MATN2: variants seen among roughly 807,000 people sequenced by gnomAD.
MATN2 encodes matrilin 2.
In MATN2, 69 loss-of-function variants were observed where a neutral mutation model predicts 103.2. The ratio of observed to expected loss-of-function variants is 0.67; its 90% CI spans 0.55 to 0.82. MATN2 has a LOEUF of 0.82. Among genes scored for constraint, MATN2 ranks in the 40% least tolerant of loss-of-function variants. The pLI, the probability that MATN2 is intolerant of heterozygous loss-of-function variation, is 0.00. For synonymous variants in MATN2, 429 were observed against 450.2 expected, an observed-to-expected ratio of 0.95 and a Z score of 0.60; for missense variants, 1,023 against 1,211.5, an observed-to-expected ratio of 0.84 and a Z score of 2.31.
chr8:97,869,663 A>G (rs545980051), intron 1 of MATN2, among the ~76,000 whole-genome samples: 1 of 152,272 alleles, frequency 6.6e-6, no homozygotes, highest in African/African-American at 2.4e-5. Context: ...GGTGATTCCT[A>G]TTCCACGGAC....
chr8:97,941,223 A>T (rs1810554787), intron 3 of MATN2, among the ~76,000 whole-genome samples: 1 of 151,688 alleles, frequency 6.6e-6, no homozygotes, highest in Non-Finnish European at 1.5e-5. Flanking sequence ...AGGTATCTTA[A>T]ATTGAGACAT....
intron 8 of MATN2, 140 bp downstream of exon 8, chr8:98,003,923 G>A (rs933218106): frequency 1.1e-6 from 1 of 905,032 alleles, no homozygotes; most frequent in African/African-American, 1.6e-5. Context: ...CTTATCCTCA[G>A]TTTCATCACC....
At chr8:97,965,138 G>T (rs568765207) in intron 5 of MATN2, among the ~76,000 whole-genome samples, 1 of 152,118 alleles carries the variant, frequency 6.6e-6, no homozygotes. Context: ...CCTAGTTAAG[G>T]CTGTCCAATT....
intron 1 of MATN2, among the ~76,000 whole-genome samples, chr8:97,870,748 C>T (rs1817866464): frequency 2.0e-5 from 3 of 152,234 alleles, no homozygotes; most frequent in East Asian, 1.9e-4. Context: ...TCCACACGGG[C>T]GCAGTTCTCC....
Position 98,007,627 on chromosome 8 carries a change from C to A in MATN2, c.1573+26C>A, listed in dbSNP as rs1395690919. 1.9e-6 allele frequency: 3 copies of A among 1,594,162 alleles called. No individual in the cohort carries two copies. In the East Asian group the frequency reaches 6.8e-5, roughly 36 times the overall value. On this transcript the variant is annotated intron_variant, in intron 10 of 18. Coordinates refer to ENST00000254898, the MANE Select transcript of MATN2 (RefSeq NM_002380.5). This position sits in a 1 kb window ranked among gnomAD's most constrained non-coding sequence, Gnocchi z 4.2. ...GTAAGTGTCTGAAGGACAAGCAGGA[C>A]CTGCACAGGTGTTCCGTGGGTGCCG...
intron 4 of MATN2, among the ~76,000 whole-genome samples, chr8:97,943,542 T>A (rs1391079113): frequency 6.6e-6 from 1 of 152,072 alleles, no homozygotes; most frequent in East Asian, 1.9e-4. Context: ...GGCACAATTA[T>A]GGCTCACTGT....
chr8:97,966,629 G>C (rs1811490328), intron 5 of MATN2, among the ~76,000 whole-genome samples: 1 of 152,122 alleles, frequency 6.6e-6, no homozygotes, highest in Admixed American at 6.5e-5. Flanking sequence ...TTTGAATTCA[G>C]GTTAGACACC....
intron 1 of MATN2, among the ~76,000 whole-genome samples, chr8:97,876,227 T>C (rs1308517342): frequency 6.7e-6 from 1 of 148,732 alleles, no homozygotes; most frequent in Non-Finnish European, 1.5e-5. Context: ...TTCGCTCTTG[T>C]CACCCAGGCT....
chr8:97,976,895 G>A (rs888696424), intron 5 of MATN2, among the ~76,000 whole-genome samples: 4 of 152,000 alleles, frequency 2.6e-5, no homozygotes, highest in South Asian at 4.1e-4. Context: ...CTATGCTGTG[G>A]TTTGGATATG....
chr8:97,929,374 A>C (rs2124086), intron 2 of MATN2, among the ~76,000 whole-genome samples: 64,341 of 151,972 alleles, frequency 0.42, 14,776 homozygotes, highest in East Asian at 0.84. Context: ...CTTTTCTAAT[A>C]CCTTTCAAAT....
chr8:97,975,605 G>T (rs1377326523), intron 5 of MATN2, among the ~76,000 whole-genome samples: 1 of 152,180 alleles, frequency 6.6e-6, no homozygotes, highest in Non-Finnish European at 1.5e-5. Context: ...CTACAATTTG[G>T]AAGTCAGATC....
intron 2 of MATN2, among the ~76,000 whole-genome samples, chr8:97,909,350 GAGGTCATGC>G (rs1819283124): frequency 6.6e-6 from 1 of 152,192 alleles, no homozygotes; most frequent in African/African-American, 2.4e-5. Flanking sequence ...ACATATAAGT[GAGGTCATGC>G]AGTATTTGTC....
intron 2 of MATN2, among the ~76,000 whole-genome samples, chr8:97,926,525 A>G (rs1398867138): frequency 6.6e-6 from 1 of 152,202 alleles, no homozygotes; most frequent in African/African-American, 2.4e-5. Flanking sequence ...AGGTCTGACC[A>G]TGGTGAGCCA....
chr8:97,948,662 A>G (rs902800180), intron 4 of MATN2, among the ~76,000 whole-genome samples: 3 of 152,238 alleles, frequency 2.0e-5, no homozygotes, highest in African/African-American at 7.2e-5. Flanking sequence ...GCAAGCAAAC[A>G]AACAAAAGGA....
At position 97,961,580 on chromosome 8, in the gene MATN2, G is replaced by A. The variant is rs746995978; in HGVS notation, c.958+50G>A. The A allele has an allele frequency of 3.2e-6, 5 of 1,556,806 alleles. No individual in the cohort carries two copies. The Admixed American group carries it at 7.4e-5, about 23-fold the overall frequency. On this transcript the variant is annotated intron_variant, in intron 5 of 18. Transcript: ENST00000254898. Reference sequence around the variant, plus strand: ...GGTAGGGAAGGACAAGTTAAGCATGGTGAGGAGGAGGGGAGACTCACGTGT... The same window carrying A: ...GGTAGGGAAGGACAAGTTAAGCATGATGAGGAGGAGGGGAGACTCACGTGT...
intron 15 of MATN2, 189 bp from the exon 16 acceptor site, chr8:98,032,056 AT>A (rs1814043841): frequency 2.3e-6 from 1 of 441,550 alleles, no homozygotes. Flanking sequence ...ACGAGAGAGA[AT>A]TGCCCTAGAG....
chr8:98,026,700 T>C (rs1813821067), intron 13 of MATN2, among the ~76,000 whole-genome samples: 2 of 152,042 alleles, frequency 1.3e-5, no homozygotes, highest in South Asian at 4.1e-4. Context: ...GGCACAAAAA[T>C]GAATGAAACA....
chr8:97,974,689 C>G (rs1393495830), intron 5 of MATN2, among the ~76,000 whole-genome samples: 1 of 152,166 alleles, frequency 6.6e-6, no homozygotes, highest in African/African-American at 2.4e-5. Context: ...TTGTGATCCA[C>G]CTGCCTTGGC....
At chr8:97,923,388 T>C (rs1224264560) in intron 2 of MATN2, among the ~76,000 whole-genome samples, 1 of 152,220 alleles carries the variant, frequency 6.6e-6, no homozygotes, top group Non-Finnish European at 1.5e-5. Flanking sequence ...CAATTTTAGC[T>C]CTTGGCTTAC....
Sources: allele counts gnomAD v4.1 joint callset (sites outside exome capture counted in the v4.1 genomes callset), GRCh38; gene constraint gnomAD v4.1.1; non-coding constraint Gnocchi (gnomAD v3.1); transcripts MANE v1.5; gene names NCBI Gene and HGNC (gene_info 2026-07-23, HGNC 2026-07-21).